Variants in DRC3 observed in about 807,000 individuals in gnomAD.
DRC3 encodes dynein regulatory complex subunit 3.
DRC3 carries 45 observed loss-of-function variants against 57.6 expected under a neutral mutation model. The ratio of observed to expected loss-of-function variants is 0.78; its 90% confidence interval spans 0.62 to 1.00. The LOEUF (loss-of-function observed/expected upper bound fraction) is 1.00, where lower values mean the gene tolerates loss of function less well. Ranked by LOEUF, DRC3 falls within the 50% of genes least tolerant of loss-of-function variation. DRC3 has a pLI of 0.00. For missense variants in DRC3, 655 were observed against 675.2 expected (o/e 0.97, Z 0.33); for synonymous variants, 257 against 272.3 (o/e 0.94, Z 0.55).
At chr17:18,014,803 C>T (rs910602355) in intron 12 of DRC3, among the ~76,000 whole-genome samples, 1 of 152,198 alleles carries the variant, frequency 6.6e-6, no homozygotes, top group Non-Finnish European at 1.5e-5. Flanking sequence ...CCAAGGCTCA[C>T]CGAAAACAGG....
At chr17:18,006,465 G>C (rs1420686786) in intron 11 of DRC3, 4 of 586,214 alleles carry the variant, frequency 6.8e-6, no homozygotes, top group Middle Eastern at 4.5e-4. Context: ...GTTCTCATAT[G>C]AGTGATGTTC....
Position 18,004,413 on chromosome 17 carries a change from G to T in DRC3, c.1050G>T (p.Met350Ile), listed in dbSNP as rs1397226356. ...TGGAACTGCCCAACATTGAGAAGAT[G>T]ATCCTAGAATGCAGTGCTGACATCA... Reference protein sequence around the residue: ...EELELPNIEKMILECSADISE... With the variant: ...EELELPNIEKIILECSADISE... The change falls in exon 10 of 14, where the codon ATG becomes ATT. Residue 350 changes from methionine (M) to isoleucine (I), a missense_variant. Transcript: ENST00000399187. 6.2e-7 allele frequency: 1 copy of T among 1,608,888 alleles called. No individual in the cohort carries two copies. Among genetic ancestry groups the T allele is most frequent in the Middle Eastern group, 1.7e-4 (1 of 6,058 alleles).
Position 17,983,825 on chromosome 17 carries a change from C to A in DRC3, c.161-3C>A. On this transcript the variant is annotated splice_polypyrimidine_tract_variant and splice_region_variant and intron_variant, in intron 3 of 13. Transcript: ENST00000399187. ...AGACTGAAATCACCTTCCATTATTT[C>A]AGACATCCTCCGCATAGACAACCTC... 6.2e-7 allele frequency: 1 copy of A among 1,605,690 alleles called. No individual in the cohort carries two copies. Among genetic ancestry groups the A allele is most frequent in the Non-Finnish European group, 8.5e-7 (1 of 1,173,018 alleles).
chr17:18,011,421 G>T, intron 12 of DRC3: 1 of 273,942 alleles, frequency 3.7e-6, no homozygotes, highest in South Asian at 3.2e-5. Context: ...TCACTGTCCT[G>T]ACCAAGCTCT....
chr17:17,997,338 T>A, intron 8 of DRC3, 122 bp from the exon 9 acceptor site: 1 of 835,516 alleles, frequency 1.2e-6, no homozygotes, highest in Non-Finnish European at 1.8e-6. Flanking sequence ...AGACCAGGAG[T>A]TTGAGTCTCA....
rs140227888 is a variant in DRC3, at chr17:17,978,470, C to T, written c.160+712C>T. On this transcript the variant is annotated intron_variant, in intron 3 of 13. Coordinates refer to ENST00000399187, the MANE Select transcript of DRC3 (RefSeq NM_031294.4). ...AGAGAGGTGGGCAGGGATCCTGAGA[C>T]CCCCCTTTGTATCATGTGCAGGCAA... Among the ~76,000 whole-genome samples, 4 of 152,258 alleles carry T rather than the reference C, an allele frequency of 2.6e-5. No individual in the cohort carries two copies. In the East Asian group the frequency reaches 5.8e-4, roughly 22 times the overall value.
chr17:18,004,396 C>T lies in DRC3; in HGVS notation c.1033C>T (p.Pro345Ser). 6.2e-7 allele frequency: 1 copy of T among 1,607,222 alleles called. No homozygotes were observed. The highest frequency in any genetic ancestry group is 8.5e-7 in the Non-Finnish European group (1 of 1,176,648). ...TGCCATTCGAGAGGAGTTGGAACTG[C>T]CCAACATTGAGAAGATGATCCTAGA... ...LSAIREELEL[P>S]NIEKMILECS... Residue 345 changes from proline to serine, a missense_variant, in exon 10 of 14, where the codon CCC becomes TCC. Transcript: ENST00000399187.
chr17:18,010,120 G>C (rs2044117909), intron 12 of DRC3, among the ~76,000 whole-genome samples: 1 of 152,246 alleles, frequency 6.6e-6, no homozygotes, highest in Non-Finnish European at 1.5e-5. Flanking sequence ...GTGGCAGTGG[G>C]TCTGACCCAA....
At chr17:17,977,231 G>T (rs2042430328) in intron 2 of DRC3, among the ~76,000 whole-genome samples, 1 of 152,196 alleles carries the variant, frequency 6.6e-6, no homozygotes, top group South Asian at 2.1e-4. Context: ...GTGAGGATGG[G>T]CATACAAAGT....
At chr17:18,007,922 C>T (rs996918762) in intron 12 of DRC3, 2 of 908,774 alleles carry the variant, frequency 2.2e-6, no homozygotes, top group African/African-American at 3.6e-5. Context: ...TTACTGTCCT[C>T]TTACAGTCCG....
chr17:17,983,744 G>A, intron 3 of DRC3, 84 bp from the exon 4 acceptor site: 1 of 927,382 alleles, frequency 1.1e-6, no homozygotes, highest in Non-Finnish European at 1.7e-6. Flanking sequence ...GGTCCCTTTT[G>A]TGTGGTTCTG....
In DRC3 at chr17:17,997,135, C is replaced by T. The variant is rs549555360; in HGVS notation, c.825-325C>T. Among the ~76,000 whole-genome samples the T allele has an allele frequency of 2.6e-5, 4 of 152,318 alleles. No homozygotes were observed. In the South Asian group the frequency reaches 8.3e-4, roughly 32 times the overall value. On this transcript the variant is annotated intron_variant, in intron 8 of 13. Transcript: ENST00000399187. Reference sequence around the variant, plus strand: ...CCCCCAGGGTCCCCAGGCCTCTCTTCTGGGGCCTCTCTGAGCATGTCTGCC... The same window carrying T: ...CCCCCAGGGTCCCCAGGCCTCTCTTTTGGGGCCTCTCTGAGCATGTCTGCC...
At chr17:18,015,869 G>A in intron 12 of DRC3, 195 bp from the exon 13 acceptor site, 1 of 600,236 alleles carries the variant, frequency 1.7e-6, no homozygotes. Context: ...CACCTGCCCT[G>A]TGCAGTTGGG....
At chr17:18,012,087 C>T (rs910824465) in intron 12 of DRC3, among the ~76,000 whole-genome samples, 1 of 152,094 alleles carries the variant, frequency 6.6e-6, no homozygotes, top group Non-Finnish European at 1.5e-5. Flanking sequence ...CCTTGGCTTC[C>T]CAAAGTAACA....
intron 11 of DRC3, chr17:18,006,590 A>G (rs971149663): frequency 4.1e-5 from 16 of 394,820 alleles, no homozygotes; most frequent in African/African-American, 2.6e-4. Context: ...TGAGGAGCCA[A>G]CATCGGAGCA....
intron 12 of DRC3, among the ~76,000 whole-genome samples, chr17:18,013,366 G>A (rs1012674970): frequency 6.6e-6 from 1 of 152,148 alleles, no homozygotes; most frequent in East Asian, 1.9e-4. Context: ...CTGCAGCACT[G>A]TTCGCAATAA....
In DRC3 at chr17:18,016,085, A is replaced by C. The variant is rs757590413; in HGVS notation, c.1348A>C (p.Ile450Leu). The change falls in exon 13 of 14, where the codon ATT (isoleucine) becomes CTT (leucine). Residue 450 changes from isoleucine to leucine, a missense_variant. Transcript: ENST00000399187. ...LRALFVDKDT[I>L]VNAVGASHDI... ...CCAGCTTTTTGTCGATAAAGATACG[A>C]TTGTTAATGCTGTCGGGGCATCGCA... 2 of 1,614,002 alleles carry C rather than the reference A, an allele frequency of 1.2e-6. No individual in the cohort carries two copies. Among genetic ancestry groups the C allele is most frequent in the Admixed American group, 1.7e-5 (1 of 60,020 alleles).
chr17:18,012,507 C>G (rs1331520120), intron 12 of DRC3, among the ~76,000 whole-genome samples: 2 of 152,066 alleles, frequency 1.3e-5, no homozygotes, highest in African/African-American at 4.8e-5. Flanking sequence ...TGGCAAAGAC[C>G]CACCTCTCTA....
intron 5 of DRC3, among the ~76,000 whole-genome samples, chr17:17,989,238 G>A (rs891006310): frequency 5.3e-5 from 8 of 152,162 alleles, no homozygotes; most frequent in Non-Finnish European, 7.4e-5. Context: ...AAGCCTGGCC[G>A]CACGCATCGT....
Sources: gnomAD v4.1 joint callset for allele counts (sites outside exome capture counted in the v4.1 genomes callset) on GRCh38, gnomAD v4.1.1 for gene constraint, MANE v1.5 for transcripts, NCBI Gene and HGNC (gene_info 2026-07-23, HGNC 2026-07-21) for gene names.